The following ITPR2 variants were observed in gnomAD, a reference collection of about 807,000 sequenced individuals.
ITPR2 encodes inositol 1,4,5-trisphosphate receptor type 2.
A neutral mutation model predicts 317.1 loss-of-function variants in ITPR2; 207 were observed. The observed-to-expected ratio is 0.65, with a 90% CI of 0.58 to 0.73. The LOEUF is 0.73. ITPR2 is among the 30% of genes least tolerant of loss of function. The pLI is 0.00. For synonymous variants in ITPR2, 1,156 were observed against 1,149.1 expected, an observed-to-expected ratio of 1.01 and a Z score of -0.12; for missense variants, 2,613 against 3,284.0, an observed-to-expected ratio of 0.80 and a Z score of 4.99.
At chr12:26,606,427 T>A (rs1946129759) in intron 26 of ITPR2, among the ~76,000 whole-genome samples, 1 of 152,178 alleles carries the variant, frequency 6.6e-6, no homozygotes, top group East Asian at 1.9e-4. Flanking sequence ...GTATATACCA[T>A]AACATAAAAC....
At chr12:26,739,282 A>G (rs1385530540) in intron 2 of ITPR2, among the ~76,000 whole-genome samples, 1 of 152,198 alleles carries the variant, frequency 6.6e-6, no homozygotes, top group African/African-American at 2.4e-5. Flanking sequence ...TTATTATATG[A>G]TCCAGTAATC....
chr12:26,715,370 T>C lies in ITPR2; in HGVS notation c.784A>G (p.Ile262Val). Residue 262 changes from isoleucine to valine, a missense_variant, in exon 8 of 57, where the codon ATT becomes GTT. By Grantham distance (29) the Ile-to-Val change is conservative. This residue lies in a region of ITPR2 where 515 missense variants were observed against 789.4 expected (regional missense o/e 0.65). Transcript: ENST00000381340. ...TCDEYEKKQHIFLRTTLRQSA... is the reference protein window; with the variant it reads ...TCDEYEKKQHVFLRTTLRQSA... ...TGGCGCAAGGTCGTACGAAGGAAAA[T>C]GTGCTGTTTTTTCTCATATTCATCA... The C allele has an allele frequency of 6.2e-7, 1 of 1,613,628 alleles. No individual in the cohort carries two copies. The highest frequency in any genetic ancestry group is 8.5e-7 in the Non-Finnish European group (1 of 1,179,692).
At chr12:26,682,495 T>A (rs941124823) in intron 12 of ITPR2, 79 bp downstream of exon 12, 3 of 545,064 alleles carry the variant, frequency 5.5e-6, no homozygotes, top group Non-Finnish European at 8.2e-6. Context: ...ATAAGGAACA[T>A]GTGTCACACA....
At chr12:26,465,449 A>G (rs142076378) in intron 45 of ITPR2, among the ~76,000 whole-genome samples, 2 of 152,304 alleles carry the variant, frequency 1.3e-5, no homozygotes, top group East Asian at 3.9e-4. Context: ...GCAATTATAT[A>G]CAATCTTTTG....
chr12:26,500,967 A>C (rs1943058751), intron 37 of ITPR2, among the ~76,000 whole-genome samples: 1 of 152,236 alleles, frequency 6.6e-6, no homozygotes, highest in South Asian at 2.1e-4. Flanking sequence ...AATTTACTAA[A>C]GTAATATTTT....
At chr12:26,511,432 A>G (rs1216057744) in intron 37 of ITPR2, among the ~76,000 whole-genome samples, 1 of 152,150 alleles carries the variant, frequency 6.6e-6, no homozygotes, top group Non-Finnish European at 1.5e-5. Flanking sequence ...CTGTCCAACT[A>G]TTTGGTTGGT....
At chr12:26,451,102 T>C (rs1941730054) in intron 45 of ITPR2, among the ~76,000 whole-genome samples, 1 of 152,132 alleles carries the variant, frequency 6.6e-6, no homozygotes, top group Non-Finnish European at 1.5e-5. Flanking sequence ...AGAAGCAATG[T>C]TCATGTTTCT....
Position 26,715,372 on chromosome 12 carries a change from T to C in ITPR2, c.782A>G (p.His261Arg). The C allele has an allele frequency of 1.2e-6, 2 of 1,613,646 alleles. No homozygotes were observed. The highest frequency in any genetic ancestry group is 1.7e-6 in the Non-Finnish European group (2 of 1,179,638). Residue 261 changes from histidine to arginine, a missense_variant, in exon 8 of 57, where the codon CAC becomes CGC. Around this residue, in one of 9 missense-constraint regions of ITPR2, gnomAD observed 515 missense variants for 789.4 expected, o/e 0.65. Coordinates refer to ENST00000381340, the MANE Select transcript of ITPR2 (RefSeq NM_002223.4). ...LTCDEYEKKQ[H>R]IFLRTTLRQS... is the part of the protein sequence containing the mutation. Reference sequence around the variant, plus strand: ...GCGCAAGGTCGTACGAAGGAAAATGTGCTGTTTTTTCTCATATTCATCACA... The same window carrying C: ...GCGCAAGGTCGTACGAAGGAAAATGCGCTGTTTTTTCTCATATTCATCACA...
chr12:26,534,113 C>T (rs1944019441), intron 37 of ITPR2, among the ~76,000 whole-genome samples: 1 of 152,230 alleles, frequency 6.6e-6, no homozygotes, highest in Non-Finnish European at 1.5e-5. Context: ...GCCATCACGT[C>T]AGTGGCCTTC....
intron 35 of ITPR2, among the ~76,000 whole-genome samples, chr12:26,560,563 A>G (rs1205383506): frequency 6.6e-6 from 1 of 152,164 alleles, no homozygotes; most frequent in Admixed American, 6.5e-5. Context: ...TAAGAGCCCC[A>G]GGTCTGCTGA....
At chr12:26,447,990 A>G (rs1056264683) in intron 45 of ITPR2, among the ~76,000 whole-genome samples, 1 of 93,176 alleles carries the variant, frequency 1.1e-5, no homozygotes, top group Non-Finnish European at 2.2e-5. Context: ...ACCCTTTTAC[A>G]TGACTTTTTT....
intron 36 of ITPR2, among the ~76,000 whole-genome samples, chr12:26,551,891 T>C (rs1944533331): frequency 6.6e-6 from 1 of 152,190 alleles, no homozygotes; most frequent in African/African-American, 2.4e-5. Context: ...GACTGGAATA[T>C]TAACCTCAAG....
Position 26,620,456 on chromosome 12 carries a change from A to G in ITPR2, c.3462+667T>C, listed in dbSNP as rs1337073560. 3.3e-5 allele frequency among the ~76,000 whole-genome samples: 5 copies of G among 152,226 alleles called. No individual in the cohort carries two copies. The South Asian group carries it at 1.0e-3, about 32-fold the overall frequency. ...AAAAAACAACTATATAAAACACCAG[A>G]CAGGCATTTACAAAACTTTTTGTAT... On this transcript the variant is annotated intron_variant, in intron 26 of 56. Transcript: ENST00000381340.
chr12:26,522,739 A>T (rs1943696166), intron 37 of ITPR2, among the ~76,000 whole-genome samples: 1 of 152,250 alleles, frequency 6.6e-6, no homozygotes, highest in Non-Finnish European at 1.5e-5. Context: ...ACATATTAGA[A>T]AATAATCTAC....
intron 1 of ITPR2, among the ~76,000 whole-genome samples, chr12:26,809,420 G>A (rs1034382876): frequency 2.0e-5 from 3 of 152,150 alleles, no homozygotes; most frequent in Non-Finnish European, 2.9e-5. Context: ...TGTACACAAT[G>A]AATTTTTTTA....
At chr12:26,433,875 T>C (rs1001327606) in intron 48 of ITPR2, among the ~76,000 whole-genome samples, 3 of 152,210 alleles carry the variant, frequency 2.0e-5, no homozygotes, top group African/African-American at 7.2e-5. Context: ...AGAGTCTGCA[T>C]GAGGTAGATA....
At chr12:26,364,389 A>T (rs1938938458) in intron 55 of ITPR2, among the ~76,000 whole-genome samples, 1 of 152,210 alleles carries the variant, frequency 6.6e-6, no homozygotes. Flanking sequence ...GGCACAAAAT[A>T]AGTGCTTTAT....
At chr12:26,734,522 A>C (rs1322000034) in intron 2 of ITPR2, among the ~76,000 whole-genome samples, 1 of 152,220 alleles carries the variant, frequency 6.6e-6, no homozygotes, top group African/African-American at 2.4e-5. Context: ...TAATTTTCTA[A>C]TAGGTGAACA....
chr12:26,423,986 T>C (rs978675018), intron 49 of ITPR2, among the ~76,000 whole-genome samples: 1 of 152,176 alleles, frequency 6.6e-6, no homozygotes, highest in African/African-American at 2.4e-5. Context: ...TTGAGGCTGT[T>C]CCTCCCACTT....
Sources: allele counts gnomAD v4.1 joint callset (sites outside exome capture counted in the v4.1 genomes callset), GRCh38; gene constraint gnomAD v4.1.1; regional missense constraint gnomAD v4.1.1; transcripts MANE v1.5; gene names NCBI Gene and HGNC (gene_info 2026-07-23, HGNC 2026-07-21).